PTPRD: variants seen among roughly 807,000 people sequenced by gnomAD.
The protein encoded by PTPRD is protein tyrosine phosphatase receptor type D, also known as receptor-type tyrosine-protein phosphatase delta.
A neutral mutation model predicts 214.5 loss-of-function variants in PTPRD; 34 were observed. That is an observed-to-expected ratio of 0.16 (90% CI 0.12 to 0.21). The LOEUF is 0.21. Ranked by LOEUF, PTPRD falls within the 10% of genes least tolerant of loss-of-function variation. The pLI is 1.00. For synonymous variants in PTPRD, 1,128 were observed against 845.7 expected (o/e 1.33, Z -5.79); for missense variants, 2,545 against 2,398.7 (o/e 1.06, Z -1.27).
chr9:8,949,746 A>G (rs1022067557), intron 11 of PTPRD, among the ~76,000 whole-genome samples: 10 of 152,182 alleles, frequency 6.6e-5, no homozygotes, highest in African/African-American at 2.4e-4. Flanking sequence ...CTAAGTATTT[A>G]GCACAACAAA....
At chr9:9,961,718 T>C (rs1412709244) in intron 4 of PTPRD, among the ~76,000 whole-genome samples, 3 of 152,126 alleles carry the variant, frequency 2.0e-5, no homozygotes, top group Non-Finnish European at 4.4e-5. Flanking sequence ...GACAATCAGA[T>C]AAGATGATGA....
chr9:8,892,617 A>ATATATATG (rs2098550242), intron 11 of PTPRD, among the ~76,000 whole-genome samples: 2 of 145,106 alleles, frequency 1.4e-5, no homozygotes, highest in Non-Finnish European at 3.1e-5. Flanking sequence ...GTGTATATAT[A>ATATATATG]TGTGTATATA....
intron 4 of PTPRD, among the ~76,000 whole-genome samples, chr9:9,972,042 A>G (rs1217754884): frequency 6.6e-6 from 1 of 152,186 alleles, no homozygotes; most frequent in Non-Finnish European, 1.5e-5. Context: ...ATCTGAATGA[A>G]TTGCACTTTT....
At chr9:9,874,283 T>C (rs2066257151) in intron 5 of PTPRD, among the ~76,000 whole-genome samples, 1 of 152,194 alleles carries the variant, frequency 6.6e-6, no homozygotes, top group Non-Finnish European at 1.5e-5. Context: ...CTATTATTCA[T>C]TTTTAAATGA....
At chr9:9,680,098 C>G (rs1328015708) in intron 7 of PTPRD, among the ~76,000 whole-genome samples, 2 of 151,854 alleles carry the variant, frequency 1.3e-5, no homozygotes, top group African/African-American at 4.8e-5. Context: ...CTAAGTTTCA[C>G]TTACTCTTGA....
rs2048211679 is a variant in PTPRD at position 10,511,915 on chromosome 9, C to CGTGTATATATATACGTGTATATATATGT, written c.-600+100482_-600+100483insACATATATATACACGTATATATATACAC. 4.6e-5 allele frequency among the ~76,000 whole-genome samples: 3 copies of CGTGTATATATATACGTGTATATATATGT among 65,810 alleles called. 1 individual carries two copies. In the East Asian group the frequency reaches 1.2e-3, roughly 27 times the overall value. 43.2% of individuals were successfully genotyped at this position (65,810 alleles called of 152,430 possible). On this transcript the variant is annotated intron_variant, in intron 2 of 45. Coordinates refer to ENST00000381196, the MANE Select transcript of PTPRD (RefSeq NM_002839.4). ...ACACATATATATACATATATATATA[C>CGTGTATATATATACGTGTATATATATGT]GTGTATATATATATACGTGTATATA...
At chr9:9,572,518 G>C (rs1049914621) in intron 8 of PTPRD, among the ~76,000 whole-genome samples, 4 of 147,418 alleles carry the variant, frequency 2.7e-5, no homozygotes, top group African/African-American at 9.9e-5. Context: ...TTAATTGGTA[G>C]TTTTAAATCC....
chr9:9,573,893 C>CAA (rs1371661355), intron 8 of PTPRD, among the ~76,000 whole-genome samples: 1 of 151,838 alleles, frequency 6.6e-6, no homozygotes, highest in East Asian at 1.9e-4. Context: ...TTTCAAGATA[C>CAA]ATTGCAATAA....
intron 2 of PTPRD, among the ~76,000 whole-genome samples, chr9:10,395,347 C>T (rs563394710): frequency 8.0e-5 from 12 of 150,670 alleles, no homozygotes; most frequent in South Asian, 2.1e-4. Context: ...TGAGAACATG[C>T]GGTGTTTGGT....
At chr9:10,093,997 C>T (rs1044214413) in intron 3 of PTPRD, among the ~76,000 whole-genome samples, 15 of 151,220 alleles carry the variant, frequency 9.9e-5, no homozygotes, top group African/African-American at 3.1e-4. Flanking sequence ...ATGCTCACTA[C>T]CTGGGTGATA....
At chr9:9,168,631 TGACTA>T (rs2099908646) in intron 10 of PTPRD, among the ~76,000 whole-genome samples, 1 of 152,120 alleles carries the variant, frequency 6.6e-6, no homozygotes, top group Admixed American at 6.6e-5. Flanking sequence ...TGCACTGACT[TGACTA>T]TTTATCTTGT....
intron 11 of PTPRD, among the ~76,000 whole-genome samples, chr9:8,780,167 T>C (rs2095639569): frequency 1.3e-5 from 2 of 152,212 alleles, no homozygotes. Flanking sequence ...CACCAGATCA[T>C]AATTATTGAC....
intron 7 of PTPRD, among the ~76,000 whole-genome samples, chr9:9,714,767 A>C (rs2097790037): frequency 6.6e-6 from 1 of 152,118 alleles, no homozygotes; most frequent in African/African-American, 2.4e-5. Flanking sequence ...TGGAGGTGAA[A>C]GATCTAAAAG....
chr9:8,709,507 T>C (rs1267588803), intron 12 of PTPRD, among the ~76,000 whole-genome samples: 2 of 115,500 alleles, frequency 1.7e-5, no homozygotes, highest in African/African-American at 3.4e-5. Context: ...AGAGTGAGAC[T>C]CCATCTCAAA....
intron 10 of PTPRD, among the ~76,000 whole-genome samples, chr9:9,114,506 C>T (rs1179958997): frequency 1.3e-5 from 2 of 152,084 alleles, no homozygotes; most frequent in South Asian, 2.1e-4. Flanking sequence ...AAGCTGATTT[C>T]ATCTTGGCTA....
chr9:9,385,159 C>CTGTCTTCA (rs1586722973), intron 9 of PTPRD, among the ~76,000 whole-genome samples: 1 of 152,226 alleles, frequency 6.6e-6, no homozygotes, highest in East Asian at 1.9e-4. Context: ...CCCACATGTT[C>CTGTCTTCA]TGTCTTCATT....
intron 8 of PTPRD, among the ~76,000 whole-genome samples, chr9:9,438,047 T>G (rs147662267): frequency 4.1e-4 from 62 of 152,292 alleles, no homozygotes; most frequent in Middle Eastern, 3.4e-3. Context: ...GCTATCTTCA[T>G]GTTCCGATGG....
chr9:8,547,787 T>C (rs1243386210), intron 14 of PTPRD, among the ~76,000 whole-genome samples: 1 of 152,180 alleles, frequency 6.6e-6, no homozygotes, highest in African/African-American at 2.4e-5. Context: ...TATATAATTA[T>C]GTGTGGATAT....
intron 11 of PTPRD, among the ~76,000 whole-genome samples, chr9:8,996,765 T>C (rs888963596): frequency 9.9e-5 from 15 of 152,036 alleles, no homozygotes; most frequent in Non-Finnish European, 1.0e-4. Flanking sequence ...CTGAGCCTCA[T>C]GGCCTAATCA....
Sources: allele counts gnomAD v4.1 joint callset (sites outside exome capture counted in the v4.1 genomes callset), GRCh38; gene constraint gnomAD v4.1.1; transcripts MANE v1.5; gene names NCBI Gene and HGNC (gene_info 2026-07-23, HGNC 2026-07-21).